LRBA: variants seen among roughly 807,000 people sequenced by gnomAD.
LRBA encodes the protein lipopolysaccharide-responsive and beige-like anchor protein.
LRBA carries 176 observed loss-of-function variants against 330.0 expected under a neutral mutation model. The observed-to-expected ratio is 0.53, with a 90% CI of 0.47 to 0.60. The LOEUF is 0.60. LRBA is among the 20% of genes least tolerant of loss of function. The pLI is 0.00. For missense variants in LRBA, 3,259 were observed against 3,444.8 expected (o/e 0.95, Z 1.35); for synonymous variants, 1,230 against 1,193.0 (o/e 1.03, Z -0.64).
intron 47 of LRBA, among the ~76,000 whole-genome samples, chr4:150,389,443 G>C (rs1239125257): frequency 6.6e-6 from 1 of 151,818 alleles, no homozygotes; most frequent in African/African-American, 2.4e-5. Flanking sequence ...CCTGAATCAA[G>C]AGAGGAATCA....
chr4:150,286,921 T>C (rs1340050513), intron 53 of LRBA, among the ~76,000 whole-genome samples: 87 of 152,340 alleles, frequency 5.7e-4, no homozygotes, highest in Non-Finnish European at 3.1e-4. Context: ...CTGGATTCCA[T>C]GTCTAGCCTG....
At chr4:150,685,385 C>CAA (rs1783452596) in intron 36 of LRBA, among the ~76,000 whole-genome samples, 1 of 35,076 alleles carries the variant, frequency 2.9e-5, no homozygotes, top group East Asian at 8.9e-4. Context: ...CATAAGGAAT[C>CAA]AAATATATAT....
chr4:150,950,668 T>C (rs1736735214), intron 2 of LRBA, among the ~76,000 whole-genome samples: 1 of 152,194 alleles, frequency 6.6e-6, no homozygotes, highest in East Asian at 1.9e-4. Context: ...GGAGATTATA[T>C]TAACAATAGG....
chr4:150,470,873 AC>A (rs1480081062), intron 43 of LRBA, among the ~76,000 whole-genome samples: 1 of 122,518 alleles, frequency 8.2e-6, no homozygotes, highest in African/African-American at 2.9e-5. Context: ...ACACACACAC[AC>A]ACCACACACT....
chr4:150,285,438 A>G (rs767487974), intron 54 of LRBA, among the ~76,000 whole-genome samples: 1 of 152,154 alleles, frequency 6.6e-6, no homozygotes, highest in Non-Finnish European at 1.5e-5. Context: ...GTATCTTTCT[A>G]CTCCACTCTC....
At chr4:150,295,194 CTTTTT>C (rs146893381) in intron 53 of LRBA, among the ~76,000 whole-genome samples, 60,800 of 113,134 alleles carry the variant, frequency 0.54, 16,118 homozygotes, top group Non-Finnish European at 0.62. Context: ...ATTAAAATAG[CTTTTT>C]TTTTTTTTTT....
chr4:150,678,978 T>C lies in LRBA; in HGVS notation c.5921+4573A>G, dbSNP rs367608470. Among the ~76,000 whole-genome samples the C allele has an allele frequency of 4.6e-5, 7 of 152,206 alleles. No homozygotes were observed. In the East Asian group the frequency reaches 1.2e-3, roughly 25 times the overall value. ...GTATACTAATTTCACTACAAATTCA[T>C]TGATATTACTTATTTAGTAAAAAAA... On this transcript the variant is annotated intron_variant, in intron 37 of 56. Coordinates refer to ENST00000651943, the MANE Select transcript of LRBA (RefSeq NM_001364905.1).
Position 150,365,083 on chromosome 4 carries a change from C to T in LRBA, c.7195-14924G>A, listed in dbSNP as rs562673091. 2.0e-5 allele frequency among the ~76,000 whole-genome samples: 3 copies of T among 152,148 alleles called. No individual in the cohort carries two copies. In the South Asian group the frequency reaches 6.2e-4, roughly 32 times the overall value. On this transcript the variant is annotated intron_variant, in intron 47 of 56. Coordinates refer to ENST00000651943, the MANE Select transcript of LRBA (RefSeq NM_001364905.1). The stretch of plus-strand genomic sequence containing the variant: ...GGAGTGCAGTGGTGTGAACACAGCT[C>T]ACTGCAGCCTCGACCTCCTGAGCTC...
At chr4:150,780,510 T>C (rs758436346) in intron 34 of LRBA, among the ~76,000 whole-genome samples, 1 of 112,318 alleles carries the variant, frequency 8.9e-6, no homozygotes, top group Non-Finnish European at 2.0e-5. Context: ...ATGACTTTCC[T>C]GGTGTACAGA....
intron 40 of LRBA, among the ~76,000 whole-genome samples, chr4:150,511,101 T>C (rs1761783338): frequency 6.6e-6 from 1 of 152,234 alleles, no homozygotes; most frequent in African/African-American, 2.4e-5. Flanking sequence ...CAGGTCATCC[T>C]CCGGCCTTGG....
At chr4:150,536,130 G>A (rs951519607) in intron 40 of LRBA, among the ~76,000 whole-genome samples, 2 of 152,130 alleles carry the variant, frequency 1.3e-5, no homozygotes, top group Non-Finnish European at 2.9e-5. Flanking sequence ...CAACAAGCCA[G>A]TGTTATGAGT....
intron 2 of LRBA, among the ~76,000 whole-genome samples, chr4:150,964,917 G>A (rs1244045607): frequency 6.6e-6 from 1 of 152,190 alleles, no homozygotes; most frequent in African/African-American, 2.4e-5. Context: ...TTAGTCATAA[G>A]GGAAATGTAA....
chr4:150,712,338 G>A (rs1195585811), intron 36 of LRBA, among the ~76,000 whole-genome samples: 2 of 152,108 alleles, frequency 1.3e-5, no homozygotes, highest in East Asian at 1.9e-4. Context: ...GCCAGGCCTT[G>A]TAAGTAATCC....
At chr4:150,336,552 A>C (rs753080016) in intron 48 of LRBA, among the ~76,000 whole-genome samples, 1 of 152,174 alleles carries the variant, frequency 6.6e-6, no homozygotes, top group Non-Finnish European at 1.5e-5. Context: ...TAAAATAATA[A>C]TGCAAAGAAA....
At chr4:150,476,631 C>G (rs1313041165) in intron 42 of LRBA, among the ~76,000 whole-genome samples, 1 of 152,106 alleles carries the variant, frequency 6.6e-6, no homozygotes, top group Non-Finnish European at 1.5e-5. Context: ...CTGTTATAAC[C>G]CCTGATATGC....
chr4:150,379,640 C>A (rs1229234481), intron 47 of LRBA, among the ~76,000 whole-genome samples: 1 of 152,128 alleles, frequency 6.6e-6, no homozygotes, highest in African/African-American at 2.4e-5. Flanking sequence ...AAACTATCAT[C>A]ATTACAGGAA....
intron 40 of LRBA, among the ~76,000 whole-genome samples, chr4:150,493,565 C>T (rs1054656093): frequency 6.6e-6 from 1 of 152,112 alleles, no homozygotes; most frequent in African/African-American, 2.4e-5. Flanking sequence ...TCTGTCTTCT[C>T]AAGAAAAACT....
Position 150,315,616 on chromosome 4 carries a change from T to G in LRBA, c.7638A>C (p.Gln2546His). The change falls in exon 51 of 57, where the codon CAA (glutamine) becomes CAC (histidine). Residue 2546 changes from glutamine (Q) to histidine (H), a missense_variant. Coordinates refer to ENST00000651943, the MANE Select transcript of LRBA (RefSeq NM_001364905.1). ...VNKWHNLPAH[Q>H]GAVQDQPYQL... ...GGTATGGCTGGTCTTGTACAGCACC[T>G]TGATGAGCTGGAATTCACAAAAGAT... 1.9e-6 allele frequency: 3 copies of G among 1,581,398 alleles called. No homozygotes were observed. The highest frequency in any genetic ancestry group is 2.6e-6 in the Non-Finnish European group (3 of 1,169,462).
At chr4:150,717,162 A>G (rs1728306415) in intron 36 of LRBA, among the ~76,000 whole-genome samples, 1 of 152,184 alleles carries the variant, frequency 6.6e-6, no homozygotes, top group Admixed American at 6.5e-5. Context: ...TAGTTTTCTT[A>G]TCTGTAAAAT....
Sources: gnomAD v4.1 joint callset for allele counts (sites outside exome capture counted in the v4.1 genomes callset) on GRCh38, gnomAD v4.1.1 for gene constraint, MANE v1.5 for transcripts, NCBI Gene and HGNC (gene_info 2026-07-23, HGNC 2026-07-21) for gene names.